The following RBM19 variants were observed in gnomAD, a reference collection of about 807,000 sequenced individuals.
The protein encoded by RBM19 is RNA binding motif protein 19.
RBM19 carries 94 observed loss-of-function variants against 116.8 expected under a neutral mutation model. The ratio of observed to expected loss-of-function variants is 0.80; its 90% confidence interval spans 0.68 to 0.95. The LOEUF is 0.95. Among genes scored for constraint, RBM19 ranks in the 40% least tolerant of loss-of-function variants. The pLI, the probability that RBM19 is intolerant of heterozygous loss-of-function variation, is 0.00. For synonymous variants in RBM19, 475 were observed against 494.1 expected, an observed-to-expected ratio of 0.96 and a Z score of 0.51; for missense variants, 1,161 against 1,220.7, an observed-to-expected ratio of 0.95 and a Z score of 0.73.
intron 8 of RBM19, among the ~76,000 whole-genome samples, chr12:113,951,428 C>T (rs1871450024): frequency 6.6e-6 from 1 of 152,148 alleles, no homozygotes; most frequent in African/African-American, 2.4e-5. Context: ...ATATTAACAG[C>T]AGCTTTCATG....
chr12:113,937,703 G>A (rs535730118), intron 15 of RBM19, among the ~76,000 whole-genome samples: 1 of 151,028 alleles, frequency 6.6e-6, no homozygotes, highest in East Asian at 2.0e-4. Flanking sequence ...AGGAGTTTGA[G>A]GCTGCAGTGA....
chr12:113,935,486 C>T (rs1449537270), intron 16 of RBM19, among the ~76,000 whole-genome samples: 1 of 152,154 alleles, frequency 6.6e-6, no homozygotes, highest in Non-Finnish European at 1.5e-5. Flanking sequence ...GAGAGCTTAA[C>T]TCATAAACGA....
intron 16 of RBM19, among the ~76,000 whole-genome samples, chr12:113,935,281 T>C (rs1436499284): frequency 6.6e-6 from 1 of 151,968 alleles, no homozygotes; most frequent in Admixed American, 6.6e-5. Flanking sequence ...GATCTCTGCG[T>C]TTCAAAGGAG....
At chr12:113,821,814 T>C (rs574830017), downstream of RBM19, among the ~76,000 whole-genome samples, 3 of 152,294 alleles carry the variant, frequency 2.0e-5, no homozygotes, top group African/African-American at 7.2e-5. Context: ...TTCTCAGGGA[T>C]GAGCTTGGAT....
At chr12:113,924,881 G>T in intron 17 of RBM19, 124 bp from the exon 18 acceptor site, 1 of 781,408 alleles carries the variant, frequency 1.3e-6, no homozygotes, top group Non-Finnish European at 2.3e-6. Context: ...AACATTTTGA[G>T]GTGATGAGTG....
At chr12:113,893,026 A>ATTTT (rs35688045) in intron 21 of RBM19, among the ~76,000 whole-genome samples, 3 of 141,134 alleles carry the variant, frequency 2.1e-5, no homozygotes, top group Admixed American at 7.1e-5. Flanking sequence ...GTAACTATTG[A>ATTTT]TTTTTTTTTT....
At chr12:113,939,844 T>G (rs1870400581) in intron 15 of RBM19, 116 bp downstream of exon 15, 1 of 1,126,698 alleles carries the variant, frequency 8.9e-7, no homozygotes, top group Non-Finnish European at 1.3e-6. Flanking sequence ...GACGGGCGGT[T>G]TAGGGTGAGC....
intron 18 of RBM19, 47 bp from the exon 19 acceptor site, chr12:113,920,737 C>A (rs1868470933): frequency 6.4e-7 from 1 of 1,556,658 alleles, no homozygotes; most frequent in Admixed American, 1.7e-5. Context: ...AGCGGAAGCA[C>A]AAGGCCAAGT....
chr12:113,869,903 T>C (rs1879098771), intron 21 of RBM19, among the ~76,000 whole-genome samples: 1 of 152,198 alleles, frequency 6.6e-6, no homozygotes, highest in African/African-American at 2.4e-5. Context: ...GTGCCTAACT[T>C]GACACCCTTT....
At chr12:113,965,068 C>A (rs1213434146) in intron 1 of RBM19, among the ~76,000 whole-genome samples, 1 of 151,834 alleles carries the variant, frequency 6.6e-6, no homozygotes, top group South Asian at 2.1e-4. Context: ...GTCAGGAGTT[C>A]GAGACCAACT....
rs56150788 is a variant in RBM19, at chr12:113,884,298, TACACACACACAC to T, written c.2559-25414_2559-25403del. Among the ~76,000 whole-genome samples, 21 of 137,338 alleles carry T rather than the reference TACACACACACAC, an allele frequency of 1.5e-4. 1 individual carries two copies. Among genetic ancestry groups the T allele is most frequent in the South Asian group, 7.2e-4 (3 of 4,174 alleles). 90.1% of individuals were successfully genotyped at this position (137,338 alleles called of 152,430 possible). A position where few individuals can be genotyped will look rare whatever the true frequency, so the allele number is the denominator to read the frequency against. The stretch of plus-strand genomic sequence containing the variant: ...ACAATATCTCAAAAAAAAAAAAGTA[TACACACACACAC>T]ACACACACACACACACACACACACG... On this transcript the variant is annotated intron_variant, in intron 21 of 23. Transcript: ENST00000261741.
intron 21 of RBM19, among the ~76,000 whole-genome samples, chr12:113,887,621 C>G (rs1433171945): frequency 1.2e-5 from 1 of 81,058 alleles, no homozygotes; most frequent in Non-Finnish European, 2.1e-5. Flanking sequence ...AGCAACAGAG[C>G]AAGACTCCAT....
chr12:113,878,643 A>G (rs1441223896), intron 21 of RBM19, among the ~76,000 whole-genome samples: 3 of 141,554 alleles, frequency 2.1e-5, no homozygotes, highest in African/African-American at 9.3e-5. Context: ...ACACACACAC[A>G]CACACACACA....
intron 22 of RBM19, among the ~76,000 whole-genome samples, chr12:113,853,883 G>C (rs1877669843): frequency 1.3e-5 from 2 of 152,138 alleles, no homozygotes; most frequent in Non-Finnish European, 2.9e-5. Context: ...CCCAAGAGAC[G>C]TTTTAAGGGA....
intron 20 of RBM19, among the ~76,000 whole-genome samples, chr12:113,917,254 T>A (rs1437893834): frequency 6.6e-6 from 1 of 152,126 alleles, no homozygotes. Context: ...GGAGATAGGG[T>A]ACTGGAAAGA....
At chr12:113,936,923 A>G in intron 16 of RBM19, 84 bp downstream of exon 16, 1 of 1,523,016 alleles carries the variant, frequency 6.6e-7, no homozygotes, top group South Asian at 1.3e-5. Context: ...CAGAGGCTTG[A>G]TAAGAAACTT....
At chr12:113,939,625 C>A (rs1387165908) in intron 15 of RBM19, among the ~76,000 whole-genome samples, 1 of 152,054 alleles carries the variant, frequency 6.6e-6, no homozygotes, top group African/African-American at 2.4e-5. Context: ...TGGCGGGTGC[C>A]TGTAGTCCCA....
chr12:113,926,371 A>C (rs1006492196), intron 17 of RBM19, among the ~76,000 whole-genome samples: 1 of 152,174 alleles, frequency 6.6e-6, no homozygotes, highest in Admixed American at 6.5e-5. Context: ...ACAGAACAAA[A>C]AACTGAAAAA....
intron 16 of RBM19, 177 bp downstream of exon 16, chr12:113,936,830 G>T: frequency 3.9e-6 from 3 of 767,614 alleles, no homozygotes; most frequent in Non-Finnish European, 3.9e-6. Flanking sequence ...CCATAATTTT[G>T]ACACTGTTTT....
Sources: allele counts gnomAD v4.1 joint callset (sites outside exome capture counted in the v4.1 genomes callset), GRCh38; gene constraint gnomAD v4.1.1; transcripts MANE v1.5; gene names NCBI Gene and HGNC (gene_info 2026-07-23, HGNC 2026-07-21).